CYTH3: variants seen among roughly 807,000 people sequenced by gnomAD.
The protein encoded by CYTH3 is cytohesin 3, also known as cytohesin-3.
In CYTH3, 23 loss-of-function variants were observed where a neutral mutation model predicts 55.1. The observed-to-expected ratio is 0.42, with a 90% CI of 0.30 to 0.59. CYTH3 has a LOEUF of 0.59. Ranked by LOEUF, CYTH3 falls within the 20% of genes least tolerant of loss-of-function variation. CYTH3 has a pLI of 0.20. For synonymous variants in CYTH3, 249 were observed against 194.9 expected, an observed-to-expected ratio of 1.28 and a Z score of -2.31; for missense variants, 413 against 524.8, an observed-to-expected ratio of 0.79 and a Z score of 2.08.
intron 1 of CYTH3, among the ~76,000 whole-genome samples, chr7:6,259,255 T>C (rs1780215377): frequency 6.6e-6 from 1 of 152,178 alleles, no homozygotes. Context: ...TCCAAATGCT[T>C]TGTTTTACAG....
chr7:6,189,856 G>T (rs1035524371), intron 2 of CYTH3, among the ~76,000 whole-genome samples: 19 of 152,118 alleles, frequency 1.2e-4, no homozygotes, highest in African/African-American at 4.3e-4. Context: ...CTAACACAGT[G>T]AAACCCTGTC....
At chr7:6,222,389 A>G (rs1784572751) in intron 1 of CYTH3, among the ~76,000 whole-genome samples, 1 of 152,188 alleles carries the variant, frequency 6.6e-6, no homozygotes, top group South Asian at 2.1e-4. Context: ...CCTGCTGAAG[A>G]GAGGAGTCAT....
Position 6,170,341 on chromosome 7 carries a change from G to T in CYTH3, c.823+194C>A. On this transcript the variant is annotated intron_variant, in intron 9 of 12. Coordinates refer to ENST00000350796, the MANE Select transcript of CYTH3 (RefSeq NM_004227.4). This position sits in a 1 kb window ranked among gnomAD's most constrained non-coding sequence, Gnocchi z 7.8. ...GGCGCTACTCTCTGCCGCGGGCATG[G>T]CTCTGAGGCCCCGGCTCGGAGAAGC... 1 of 594,056 alleles carries T rather than the reference G, an allele frequency of 1.7e-6. No individual in the cohort carries two copies. Among genetic ancestry groups the T allele is most frequent in the East Asian group, 2.9e-5 (1 of 34,606 alleles). 36.8% of individuals were successfully genotyped at this position (594,056 alleles called of 1,614,324 possible).
chr7:6,177,480 T>G (rs1246852335), intron 5 of CYTH3, among the ~76,000 whole-genome samples: 1 of 152,188 alleles, frequency 6.6e-6, no homozygotes, highest in Admixed American at 6.5e-5. Context: ...CACTGAGAAA[T>G]CAGGCTTATT....
chr7:6,203,133 C>T (rs751236986), intron 1 of CYTH3, among the ~76,000 whole-genome samples: 6 of 151,266 alleles, frequency 4.0e-5, no homozygotes, highest in Admixed American at 1.3e-4. Context: ...ACAAAATAGT[C>T]TCAAAATATA....
chr7:6,189,052 A>ATT (rs1395275010), intron 2 of CYTH3, among the ~76,000 whole-genome samples: 40 of 152,204 alleles, frequency 2.6e-4, no homozygotes, highest in Non-Finnish European at 1.0e-4. Flanking sequence ...AGCCACATTT[A>ATT]TTTTGGCAAT....
chr7:6,262,055 T>C (rs1401068121), intron 1 of CYTH3, among the ~76,000 whole-genome samples: 1 of 152,032 alleles, frequency 6.6e-6, no homozygotes, highest in Non-Finnish European at 1.5e-5. Context: ...ATAATGGAAA[T>C]TAGGAACTCA....
chr7:6,197,062 C>T (rs897870934), intron 1 of CYTH3, among the ~76,000 whole-genome samples: 3 of 152,122 alleles, frequency 2.0e-5, no homozygotes, highest in African/African-American at 4.8e-5. Context: ...AGAGTGAAGA[C>T]GTACAAAGTG....
intron 1 of CYTH3, among the ~76,000 whole-genome samples, chr7:6,242,154 G>C (rs1779689566): frequency 6.6e-6 from 1 of 151,986 alleles, no homozygotes; most frequent in Non-Finnish European, 1.5e-5. Flanking sequence ...TCGGCTCACT[G>C]CAAGCTCCAC....
At chr7:6,192,982 C>A (rs539379108) in intron 1 of CYTH3, among the ~76,000 whole-genome samples, 2 of 151,618 alleles carry the variant, frequency 1.3e-5, no homozygotes, top group East Asian at 4.0e-4. Context: ...ACCAGTCTGG[C>A]CAACATAGTG....
chr7:6,239,884 A>T (rs80303644), intron 1 of CYTH3, among the ~76,000 whole-genome samples: 3,163 of 152,318 alleles, frequency 0.021, 103 homozygotes, highest in African/African-American at 0.072. Context: ...AAGGCATATC[A>T]TGTTCTTGGA....
intron 1 of CYTH3, among the ~76,000 whole-genome samples, chr7:6,262,119 A>G (rs529028651): frequency 3.3e-4 from 50 of 152,234 alleles, no homozygotes; most frequent in Non-Finnish European, 6.6e-4. Context: ...ACAATGGAAT[A>G]TAAGTCAGAA....
At chr7:6,187,191 C>G in intron 3 of CYTH3, 75 bp from the exon 4 acceptor site, 1 of 1,476,548 alleles carries the variant, frequency 6.8e-7, no homozygotes, top group Non-Finnish European at 9.5e-7. Context: ...CTCCAGTGTA[C>G]TTTCCCCCGC....
At chr7:6,272,410 G>GGGGGGGGGGGCCCCCCCC in intron 1 of CYTH3, 64 bp downstream of exon 1, 3 of 1,216,618 alleles carry the variant, frequency 2.5e-6, no homozygotes, top group Non-Finnish European at 3.2e-6. Context: ...CCGCGCCCTC[G>GGGGGGGGGGGCCCCCCCC]ACCCCCAGCC....
chr7:6,204,006 C>T (rs1042481160), intron 1 of CYTH3, among the ~76,000 whole-genome samples: 3 of 151,332 alleles, frequency 2.0e-5, no homozygotes, highest in South Asian at 2.1e-4. Context: ...CGTTAGCCAC[C>T]GCACTCAGCT....
intron 9 of CYTH3, 102 bp from the exon 10 acceptor site, chr7:6,165,912 G>T (rs1782986752): frequency 8.6e-7 from 1 of 1,161,594 alleles, no homozygotes; most frequent in Non-Finnish European, 1.3e-6. Flanking sequence ...TTTTCAGAAA[G>T]GCCACCAGGC....
chr7:6,200,135 CA>C (rs1706036199), intron 1 of CYTH3, among the ~76,000 whole-genome samples: 1 of 152,118 alleles, frequency 6.6e-6, no homozygotes, highest in Non-Finnish European at 1.5e-5. Context: ...CACAGATACT[CA>C]TATTAAAAAA....
chr7:6,237,610 A>T (rs923155528), intron 1 of CYTH3, among the ~76,000 whole-genome samples: 7 of 152,140 alleles, frequency 4.6e-5, no homozygotes, highest in Non-Finnish European at 1.0e-4. Context: ...CAGGAGGCTG[A>T]GGCAGGAAAA....
At chr7:6,205,137 C>A (rs1224416172) in intron 1 of CYTH3, among the ~76,000 whole-genome samples, 1 of 152,040 alleles carries the variant, frequency 6.6e-6, no homozygotes, top group Non-Finnish European at 1.5e-5. Flanking sequence ...TGCACTCCAG[C>A]CTGGGTGACA....
Sources: gnomAD v4.1 joint callset for allele counts (sites outside exome capture counted in the v4.1 genomes callset) on GRCh38, gnomAD v4.1.1 for gene constraint, Gnocchi (gnomAD v3.1) non-coding constraint, MANE v1.5 for transcripts, NCBI Gene and HGNC (gene_info 2026-07-23, HGNC 2026-07-21) for gene names.